The following ADAM23 variants were observed in gnomAD, a reference collection of about 807,000 sequenced individuals.
ADAM23 encodes disintegrin and metalloproteinase domain-containing protein 23.
ADAM23 carries 33 observed loss-of-function variants against 120.1 expected under a neutral mutation model. The ratio of observed to expected loss-of-function variants is 0.27; its 90% CI spans 0.21 to 0.37. The LOEUF (loss-of-function observed/expected upper bound fraction) is 0.37, where lower values mean the gene tolerates loss of function less well. Among genes scored for constraint, ADAM23 ranks in the 10% least tolerant of loss-of-function variants. ADAM23 has a pLI of 1.00. For synonymous variants in ADAM23, 367 were observed against 375.2 expected (o/e 0.98, Z 0.25); for missense variants, 862 against 1,058.2 (o/e 0.81, Z 2.57).
In ADAM23 at chr2:206,444,078, G is replaced by T. The variant is rs1400570605; in HGVS notation, c.212G>T (p.Ser71Ile). 14 of 1,359,704 alleles carry T rather than the reference G, an allele frequency of 1.0e-5. No individual in the cohort carries two copies. The highest frequency in any genetic ancestry group is 1.1e-5 in the Non-Finnish European group (12 of 1,055,578). The allele number at this position is 1,359,704 out of a possible 1,614,324, so 84.2% of individuals were successfully genotyped here. A position where few individuals can be genotyped will look rare whatever the true frequency, so the allele number is the denominator to read the frequency against. The change falls in exon 1 of 26, where the codon AGC (serine) becomes ATC (isoleucine). Residue 71 changes from serine to isoleucine, a missense_variant and splice_region_variant. This residue lies in a region of ADAM23 where 225 missense variants were observed against 204.0 expected (regional missense o/e 1.10). Coordinates refer to ENST00000264377, the MANE Select transcript of ADAM23 (RefSeq NM_003812.4). ...CGCGCCTGGGGGGCTGCTGCGCCCAGCGGTGGGTATGGCCCCGTGCCCTTT... is the reference window on the plus strand; with the variant it reads ...CGCGCCTGGGGGGCTGCTGCGCCCATCGGTGGGTATGGCCCCGTGCCCTTT... ...RPRAWGAAAPSAPHWNETAEK... is the reference protein window; with the variant it reads ...RPRAWGAAAPIAPHWNETAEK...
At chr2:206,529,041 A>G (rs1696996385) in intron 3 of ADAM23, among the ~76,000 whole-genome samples, 1 of 152,228 alleles carries the variant, frequency 6.6e-6, no homozygotes. Context: ...CAGGAGGCAC[A>G]TATTTTGTAT....
intron 4 of ADAM23, among the ~76,000 whole-genome samples, chr2:206,538,167 G>A (rs539190778): frequency 2.6e-5 from 4 of 152,114 alleles, no homozygotes; most frequent in Admixed American, 2.6e-4. Flanking sequence ...TTAAACTACT[G>A]CAAGAACATT....
At chr2:206,469,372 A>G (rs1186214938) in intron 2 of ADAM23, among the ~76,000 whole-genome samples, 1 of 152,104 alleles carries the variant, frequency 6.6e-6, no homozygotes, top group Non-Finnish European at 1.5e-5. Flanking sequence ...ATTATAATCC[A>G]TGTCTACTCT....
chr2:206,602,368 T>C (rs1056612612), intron 24 of ADAM23, among the ~76,000 whole-genome samples: 1 of 152,224 alleles, frequency 6.6e-6, no homozygotes, highest in African/African-American at 2.4e-5. Context: ...ACTTGTTTTT[T>C]TCTTTTATGG....
chr2:206,548,874 A>G lies in ADAM23; in HGVS notation c.867+520A>G, dbSNP rs139725534. ...CAATGAATTTATTTGACTATTAGCA[A>G]TATAACAGTTTCTAAATAAAAATCA... On this transcript the variant is annotated intron_variant, in intron 8 of 25. Transcript: ENST00000264377. Among the ~76,000 whole-genome samples the G allele has an allele frequency of 2.7e-3, 407 of 152,318 alleles. 2 individuals carry two copies. Among genetic ancestry groups the G allele is most frequent in the African/African-American group, 9.3e-3 (386 of 41,590 alleles).
intron 13 of ADAM23, among the ~76,000 whole-genome samples, chr2:206,564,144 C>A (rs759844): frequency 0.41 from 62,114 of 151,636 alleles, 13,048 homozygotes; most frequent in African/African-American, 0.49. Context: ...CTCTCTCTCT[C>A]TATATAGGTA....
chr2:206,582,123 C>A (rs1698230622), intron 18 of ADAM23, among the ~76,000 whole-genome samples: 1 of 152,220 alleles, frequency 6.6e-6, no homozygotes, highest in Admixed American at 6.5e-5. Flanking sequence ...GGTGATCCGC[C>A]CGCCTTGGCC....
intron 25 of ADAM23, among the ~76,000 whole-genome samples, chr2:206,612,255 C>T (rs1698840484): frequency 6.6e-6 from 1 of 152,132 alleles, no homozygotes; most frequent in Non-Finnish European, 1.5e-5. Context: ...TAATAAAAGG[C>T]TTTTGGTGCT....
At chr2:206,462,430 T>C (rs1214810894) in intron 2 of ADAM23, among the ~76,000 whole-genome samples, 1 of 152,258 alleles carries the variant, frequency 6.6e-6, no homozygotes, top group Non-Finnish European at 1.5e-5. Context: ...CTATCTTTTG[T>C]CTGCCTGCTC....
At chr2:206,545,500 T>C (rs983062071) in intron 6 of ADAM23, among the ~76,000 whole-genome samples, 3 of 152,016 alleles carry the variant, frequency 2.0e-5, no homozygotes, top group Non-Finnish European at 2.9e-5. Flanking sequence ...AATAAATTAA[T>C]TAATTAATTA....
intron 2 of ADAM23, among the ~76,000 whole-genome samples, chr2:206,472,718 A>G (rs1313734412): frequency 6.6e-6 from 1 of 152,204 alleles, no homozygotes; most frequent in African/African-American, 2.4e-5. Context: ...GAGCTCTTGT[A>G]TAAGATTTGG....
intron 21 of ADAM23, among the ~76,000 whole-genome samples, chr2:206,590,958 T>C (rs1295057038): frequency 6.6e-6 from 1 of 152,234 alleles, no homozygotes; most frequent in Non-Finnish European, 1.5e-5. Flanking sequence ...TTGTAAAGGA[T>C]AGCTTTTGAG....
chr2:206,611,025 A>G (rs1228010916), intron 25 of ADAM23, among the ~76,000 whole-genome samples: 4 of 152,152 alleles, frequency 2.6e-5, no homozygotes, highest in African/African-American at 9.7e-5. Context: ...TATAAACTTT[A>G]TATGTTTTAT....
intron 2 of ADAM23, among the ~76,000 whole-genome samples, chr2:206,467,925 G>A (rs75695573): frequency 0.021 from 3,200 of 152,242 alleles, 54 homozygotes; most frequent in Non-Finnish European, 0.033. Context: ...AAGTTTCATG[G>A]CTTGCACCCT....
chr2:206,531,546 G>C (rs1341311667), intron 4 of ADAM23, among the ~76,000 whole-genome samples: 2 of 152,288 alleles, frequency 1.3e-5, no homozygotes, highest in East Asian at 3.9e-4. Flanking sequence ...CTTGTCTTCA[G>C]GGAGGATTAA....
At chr2:206,567,623 T>G (rs1015054532) in intron 15 of ADAM23, among the ~76,000 whole-genome samples, 1 of 152,156 alleles carries the variant, frequency 6.6e-6, no homozygotes, top group African/African-American at 2.4e-5. Flanking sequence ...ATGTTAAGAT[T>G]TTTACCCTGC....
chr2:206,616,435 TAAAAA>T (rs1698936399), intron 25 of ADAM23, among the ~76,000 whole-genome samples: 2 of 152,358 alleles, frequency 1.3e-5, no homozygotes, highest in African/African-American at 4.8e-5. Context: ...ATGTAAACTT[TAAAAA>T]GAAAAGACAA....
chr2:206,547,157 T>G lies in ADAM23; in HGVS notation c.721-272T>G, dbSNP rs575653070. On this transcript the variant is annotated intron_variant, in intron 6 of 25. Coordinates refer to ENST00000264377, the MANE Select transcript of ADAM23 (RefSeq NM_003812.4). ...TACATGTTTATTGACTTTTTGTGTT[T>G]CTTGTGAATTTCCCATTTATAGCTT... Among the ~76,000 whole-genome samples, 3 of 152,328 alleles carry G rather than the reference T, an allele frequency of 2.0e-5. No homozygotes were observed. In the South Asian group the frequency reaches 6.2e-4, roughly 32 times the overall value.
intron 1 of ADAM23, 25 bp from the exon 2 acceptor site, chr2:206,445,282 T>A (rs746303421): frequency 3.2e-6 from 5 of 1,579,898 alleles, no homozygotes; most frequent in Non-Finnish European, 4.3e-6. Flanking sequence ...TATTTTCTGC[T>A]CCCCCACCCC....
Sources: gnomAD v4.1 joint callset for allele counts (sites outside exome capture counted in the v4.1 genomes callset) on GRCh38, gnomAD v4.1.1 for gene constraint, gnomAD v4.1.1 regional missense constraint, MANE v1.5 for transcripts, NCBI Gene and HGNC (gene_info 2026-07-23, HGNC 2026-07-21) for gene names.